LRPPRC: variants seen among roughly 807,000 people sequenced by gnomAD.
LRPPRC encodes leucine rich pentatricopeptide repeat containing.
In LRPPRC, 120 loss-of-function variants were observed where a neutral mutation model predicts 180.3. That is an observed-to-expected ratio of 0.67 (90% confidence interval 0.57 to 0.77). The LOEUF is 0.77. LRPPRC is among the 30% of genes least tolerant of loss of function. The pLI is 0.00. For missense variants in LRPPRC, 2,012 were observed against 1,657.2 expected, an observed-to-expected ratio of 1.21 and a Z score of -3.72; for synonymous variants, 723 against 600.0, an observed-to-expected ratio of 1.21 and a Z score of -3.00.
intron 29 of LRPPRC, among the ~76,000 whole-genome samples, chr2:43,914,584 TA>T (rs1426457827): frequency 6.6e-6 from 1 of 151,480 alleles, no homozygotes; most frequent in African/African-American, 2.4e-5. Context: ...AAAAATTAGC[TA>T]GGGGTGGTGG....
intron 1 of LRPPRC, among the ~76,000 whole-genome samples, chr2:43,984,972 T>C (rs565971082): frequency 6.6e-6 from 1 of 152,140 alleles, no homozygotes; most frequent in East Asian, 1.9e-4. Context: ...CATTTAAAGT[T>C]ATTATCTCTC....
chr2:43,995,880 G>C lies in LRPPRC; in HGVS notation c.68C>G (p.Ser23Cys), dbSNP rs947318294. 6.6e-7 allele frequency: 1 copy of C among 1,506,348 alleles called. No homozygotes were observed. The highest frequency in any genetic ancestry group is 1.4e-5 in the African/African-American group (1 of 69,316). 93.3% of individuals were successfully genotyped at this position (1,506,348 alleles called of 1,614,324 possible). Reference protein sequence around the residue: ...RAGAAPRLPLSLRLLPGGPGR... With the variant: ...RAGAAPRLPLCLRLLPGGPGR... ...CGGGCCGCCAGGGAGGAGGCGCAGGGAGAGCGGGAGGCGCGGGGCCGCCCC... is the reference window on the plus strand; with the variant it reads ...CGGGCCGCCAGGGAGGAGGCGCAGGCAGAGCGGGAGGCGCGGGGCCGCCCC... The change falls in exon 1 of 38, where the codon TCC (serine) becomes TGC (cysteine). Residue 23 changes from serine (S) to cysteine (C), a missense_variant. By Grantham distance (112) the Ser-to-Cys change is moderately radical. Transcript: ENST00000260665.
intron 36 of LRPPRC, 89 bp downstream of exon 36, chr2:43,894,456 C>T (rs1402719362): frequency 2.8e-6 from 2 of 722,854 alleles, no homozygotes; most frequent in Non-Finnish European, 5.0e-6. Flanking sequence ...AGACTTAGTT[C>T]ACTATACTAC....
At chr2:43,987,461 CTCCA>C in intron 1 of LRPPRC, among the ~76,000 whole-genome samples, 1 of 141,504 alleles carries the variant, frequency 7.1e-6, no homozygotes, top group Non-Finnish European at 1.5e-5. Context: ...CGTCACTGCA[CTCCA>C]GGCCGGGCGA....
intron 32 of LRPPRC, among the ~76,000 whole-genome samples, chr2:43,900,845 G>A (rs1245253304): frequency 6.6e-6 from 1 of 151,982 alleles, no homozygotes; most frequent in Admixed American, 6.5e-5. Context: ...ACAGTGGTAA[G>A]AAAATCAGCT....
chr2:43,898,659 CAG>C (rs1264749754), intron 34 of LRPPRC, among the ~76,000 whole-genome samples: 2 of 152,168 alleles, frequency 1.3e-5, no homozygotes, highest in African/African-American at 4.8e-5. Context: ...GTGCGGGCCA[CAG>C]AGACCTGCAT....
At chr2:43,956,765 C>T (rs1040604296) in intron 14 of LRPPRC, among the ~76,000 whole-genome samples, 6 of 152,054 alleles carry the variant, frequency 3.9e-5, no homozygotes, top group Non-Finnish European at 7.4e-5. Flanking sequence ...TGGTGGGCAC[C>T]GGTAGTCCCA....
In LRPPRC at chr2:43,944,701, A is replaced by C. The variant is rs1210344753; in HGVS notation, c.2296+631T>G. Among the ~76,000 whole-genome samples the C allele has an allele frequency of 1.3e-4, 20 of 152,084 alleles. No homozygotes were observed. In the East Asian group the frequency reaches 3.8e-3, roughly 29 times the overall value. On this transcript the variant is annotated intron_variant, in intron 22 of 37. Transcript: ENST00000260665. ...AAAAGGAAATTTCAAAATAAAGCCA[A>C]ATCAGAAAGTTAAGAAACAAGAAAA...
At position 43,950,735 on chromosome 2, in the gene LRPPRC, G is replaced by A. The variant is rs111963580; in HGVS notation, c.1650-135C>T. 1.4e-5 allele frequency: 10 copies of A among 717,870 alleles called. 1 individual carries two copies. The highest frequency in any genetic ancestry group is 1.8e-5 in the African/African-American group (1 of 56,452). The allele number at this position is 717,870 out of a possible 1,614,324, so 44.5% of individuals were successfully genotyped here. Reference sequence around the variant, plus strand: ...TTGCTGTATCAGGATGAATTTTCAGGACAAAGGTAATTTAGAAAGGCTGAC... The same window carrying A: ...TTGCTGTATCAGGATGAATTTTCAGAACAAAGGTAATTTAGAAAGGCTGAC... On this transcript the variant is annotated intron_variant, in intron 14 of 37. Coordinates refer to ENST00000260665, the MANE Select transcript of LRPPRC (RefSeq NM_133259.4).
chr2:43,980,698 G>C (rs1253925328), intron 2 of LRPPRC, among the ~76,000 whole-genome samples: 5 of 152,122 alleles, frequency 3.3e-5, no homozygotes. Context: ...CCCTATATCT[G>C]TAAGCTTTAT....
chr2:43,903,313 T>C (rs1670953783), intron 31 of LRPPRC: 1 of 152,198 alleles, frequency 6.6e-6, no homozygotes, highest in Non-Finnish European at 1.5e-5. Context: ...CTAATTACAC[T>C]GTACAAGTGC....
upstream of LRPPRC, chr2:43,996,124 C>T: frequency 3.6e-6 from 2 of 560,930 alleles, no homozygotes; most frequent in Non-Finnish European, 6.2e-6. Flanking sequence ...GACAGAAGAC[C>T]CAATGTAATA....
At chr2:43,996,170 G>C (rs148391276), upstream of LRPPRC, among the ~76,000 whole-genome samples, 1 of 152,300 alleles carries the variant, frequency 6.6e-6, no homozygotes, top group East Asian at 1.9e-4. Context: ...CATTATCGAA[G>C]CTTTTCTTTT....
At position 43,925,856 on chromosome 2, in the gene LRPPRC, C is replaced by G. The variant is rs62138281; in HGVS notation, c.2805+37G>C. ...AGAGGACCCTTGCCTTCTACTCACA[C>G]TTTTAGGTGATTGAGACATCTGAAT... is the stretch of plus-strand genomic sequence containing the variant. On this transcript the variant is annotated intron_variant, in intron 26 of 37. Coordinates refer to ENST00000260665, the MANE Select transcript of LRPPRC (RefSeq NM_133259.4). 138,977 of 1,445,678 alleles carry G rather than the reference C, an allele frequency of 0.096. 7,470 individuals carry two copies. The highest frequency in any genetic ancestry group is 0.14 in the South Asian group (12,492 of 87,846). The allele number at this position is 1,445,678 out of a possible 1,614,324, so 89.6% of individuals were successfully genotyped here.
Position 43,899,201 on chromosome 2 carries a change from T to A in LRPPRC, c.3825+18A>T, listed in dbSNP as rs996219315. The A allele has an allele frequency of 1.3e-6, 2 of 1,553,298 alleles. No homozygotes were observed. Among genetic ancestry groups the A allele is most frequent in the African/African-American group, 1.4e-5 (1 of 73,942 alleles). ...GCAAGCCTCGAGCCCCACTGCTCCATGAGTGGAGGGTCATTACCTGTAGGA... is the reference window on the plus strand; with the variant it reads ...GCAAGCCTCGAGCCCCACTGCTCCAAGAGTGGAGGGTCATTACCTGTAGGA... On this transcript the variant is annotated intron_variant, in intron 34 of 37. Coordinates refer to ENST00000260665, the MANE Select transcript of LRPPRC (RefSeq NM_133259.4).
intron 29 of LRPPRC, among the ~76,000 whole-genome samples, chr2:43,914,714 G>A (rs548609108): frequency 1.3e-4 from 20 of 152,022 alleles, no homozygotes; most frequent in African/African-American, 4.8e-4. Context: ...GGGTGATAGA[G>A]CAACATTCTG....
At chr2:43,942,719 T>C (rs1672528563) in intron 23 of LRPPRC, among the ~76,000 whole-genome samples, 1 of 152,080 alleles carries the variant, frequency 6.6e-6, no homozygotes, top group African/African-American at 2.4e-5. Context: ...ATACATATTT[T>C]ATTTTTCTCC....
At chr2:43,909,422 T>C (rs112679754) in intron 30 of LRPPRC, among the ~76,000 whole-genome samples, 4 of 152,006 alleles carry the variant, frequency 2.6e-5, no homozygotes, top group Admixed American at 2.0e-4. Context: ...AGTATGATGG[T>C]AGACACCAAA....
At chr2:43,961,554 G>A (rs563977502) in intron 12 of LRPPRC, among the ~76,000 whole-genome samples, 1 of 152,320 alleles carries the variant, frequency 6.6e-6, no homozygotes, top group South Asian at 2.1e-4. Context: ...ACTATGGACA[G>A]ATTGTACAGC....
Sources: gnomAD v4.1 joint callset for allele counts (sites outside exome capture counted in the v4.1 genomes callset) on GRCh38, gnomAD v4.1.1 for gene constraint, MANE v1.5 for transcripts, NCBI Gene and HGNC (gene_info 2026-07-23, HGNC 2026-07-21) for gene names.